Variants in FSTL5 observed in about 807,000 individuals in gnomAD.
FSTL5 encodes the protein follistatin like 5, also known as follistatin-related protein 5.
In FSTL5, 62 loss-of-function variants were observed where a neutral mutation model predicts 89.1. That is an observed-to-expected ratio of 0.70 (90% CI 0.57 to 0.86). FSTL5 has a LOEUF of 0.86. FSTL5 is among the 40% of genes least tolerant of loss of function. The pLI, the probability that FSTL5 is intolerant of heterozygous loss-of-function variation, is 0.00. For synonymous variants in FSTL5, 383 were observed against 346.2 expected (o/e 1.11, Z -1.18); for missense variants, 1,057 against 1,001.6 (o/e 1.06, Z -0.75).
At chr4:161,982,959 A>T (rs1458722779) in intron 3 of FSTL5, among the ~76,000 whole-genome samples, 1 of 152,186 alleles carries the variant, frequency 6.6e-6, no homozygotes, top group Admixed American at 6.5e-5. Flanking sequence ...CTTCTACAAT[A>T]TTATCATATT....
intron 13 of FSTL5, among the ~76,000 whole-genome samples, chr4:161,478,310 T>C (rs1459338124): frequency 6.6e-6 from 1 of 152,140 alleles, no homozygotes; most frequent in Admixed American, 6.5e-5. Flanking sequence ...GAATACTGAT[T>C]TCATAAAGGA....
At chr4:161,459,718 T>G (rs545931235) in intron 13 of FSTL5, among the ~76,000 whole-genome samples, 1 of 152,048 alleles carries the variant, frequency 6.6e-6, no homozygotes, top group East Asian at 1.9e-4. Flanking sequence ...TGAATACAGG[T>G]GAGAACTATG....
At chr4:161,494,555 G>A (rs1439198627) in intron 12 of FSTL5, among the ~76,000 whole-genome samples, 2 of 152,126 alleles carry the variant, frequency 1.3e-5, no homozygotes, top group African/African-American at 4.8e-5. Context: ...TTCTTGAAAC[G>A]TAAGTATTCT....
intron 2 of FSTL5, among the ~76,000 whole-genome samples, chr4:162,048,067 C>T (rs1252235360): frequency 6.6e-6 from 1 of 152,072 alleles, no homozygotes; most frequent in Non-Finnish European, 1.5e-5. Flanking sequence ...CGGGTCACGC[C>T]TGTAATCCCA....
chr4:161,994,676 C>A (rs917662034), intron 3 of FSTL5, among the ~76,000 whole-genome samples: 4 of 152,164 alleles, frequency 2.6e-5, no homozygotes, highest in African/African-American at 9.7e-5. Context: ...GCAAGTGTGT[C>A]TTCTTTTGAA....
chr4:161,402,583 T>C (rs959795847), intron 15 of FSTL5, among the ~76,000 whole-genome samples: 2 of 152,222 alleles, frequency 1.3e-5, no homozygotes, highest in African/African-American at 2.4e-5. Context: ...TCTAGTGTTC[T>C]TCCTTGTGTT....
Position 161,386,344 on chromosome 4 carries a change from A to C in FSTL5, c.1947T>G (p.Pro649=). 1.2e-6 allele frequency: 2 copies of C among 1,613,954 alleles called. No homozygotes were observed. Residue 649 remains proline, a synonymous_variant, in exon 16 of 16, where the codon CCT becomes CCG. Coordinates refer to ENST00000306100, the MANE Select transcript of FSTL5 (RefSeq NM_020116.5). ...CCAAGTGTGTATATGCCAATGACTG[A>C]GGAACGCACTTATAGTCCTTCAAGT... ...TINLKDYKCV[P]QSLAYTHLGG... is the part of the protein sequence containing the mutation.
intron 1 of FSTL5, among the ~76,000 whole-genome samples, chr4:162,132,060 T>C (rs560209239): frequency 2.6e-5 from 4 of 152,318 alleles, no homozygotes; most frequent in South Asian, 2.1e-4. Context: ...AGGTGAATAA[T>C]AGATTAACCT....
chr4:161,898,942 T>C (rs1158289498), intron 4 of FSTL5, among the ~76,000 whole-genome samples: 4 of 152,146 alleles, frequency 2.6e-5, no homozygotes, highest in Admixed American at 2.0e-4. Flanking sequence ...CATCTGGATG[T>C]ATTCTTTAGT....
intron 4 of FSTL5, among the ~76,000 whole-genome samples, chr4:161,822,210 G>C (rs763769851): frequency 8.5e-5 from 13 of 152,080 alleles, no homozygotes; most frequent in Non-Finnish European, 1.5e-4. Context: ...CATGTCACAG[G>C]ATCCTTAGGG....
In FSTL5 at chr4:161,675,801, T is replaced by A. The variant is rs559588209; in HGVS notation, c.728-19307A>T. 6.5e-4 allele frequency among the ~76,000 whole-genome samples: 99 copies of A among 152,132 alleles called. No individual in the cohort carries two copies. The South Asian group carries it at 0.019, about 30-fold the overall frequency. On this transcript the variant is annotated intron_variant, in intron 6 of 15. Transcript: ENST00000306100. ...CTAATGAGACGCTATCTGATAGAAA[T>A]TTTCTAAAAATTGTTAATGTATATC...
At chr4:161,525,593 A>T (rs189565491) in intron 10 of FSTL5, among the ~76,000 whole-genome samples, 210 of 152,264 alleles carry the variant, frequency 1.4e-3, no homozygotes, top group African/African-American at 3.5e-3. Context: ...AAATTTTTTT[A>T]AAAATATTCC....
At position 161,460,005 on chromosome 4, in the gene FSTL5, C is replaced by A. The variant is rs893914452; in HGVS notation, c.1609-686G>T. Among the ~76,000 whole-genome samples the A allele has an allele frequency of 2.0e-5, 3 of 151,356 alleles. No homozygotes were observed. In the South Asian group the frequency reaches 6.2e-4, roughly 31 times the overall value. ...TACTTAAAACAAAATTCTCAGAAAA[C>A]AAAGTGATGCCAGGAAGTTATTTCA... On this transcript the variant is annotated intron_variant, in intron 13 of 15. Transcript: ENST00000306100.
At chr4:162,109,895 T>C (rs1731369284) in intron 2 of FSTL5, among the ~76,000 whole-genome samples, 1 of 152,050 alleles carries the variant, frequency 6.6e-6, no homozygotes, top group Non-Finnish European at 1.5e-5. Context: ...TAACAATATA[T>C]ACCAAATTGC....
chr4:161,417,575 T>G (rs1186035721), intron 15 of FSTL5, among the ~76,000 whole-genome samples: 1 of 152,244 alleles, frequency 6.6e-6, no homozygotes, highest in African/African-American at 2.4e-5. Context: ...TTGAGGAATT[T>G]ACAGTTGATT....
At chr4:161,601,884 C>A (rs992718616) in intron 7 of FSTL5, among the ~76,000 whole-genome samples, 1 of 152,074 alleles carries the variant, frequency 6.6e-6, no homozygotes, top group African/African-American at 2.4e-5. Flanking sequence ...TTGGTCTCCA[C>A]TACCTTGCAC....
chr4:161,902,143 C>G (rs1733385045), intron 4 of FSTL5, among the ~76,000 whole-genome samples: 1 of 151,982 alleles, frequency 6.6e-6, no homozygotes, highest in Non-Finnish European at 1.5e-5. Context: ...TATAATGATA[C>G]TTTGCCTAGT....
At chr4:161,586,944 A>G (rs1436787436) in intron 8 of FSTL5, among the ~76,000 whole-genome samples, 3 of 152,242 alleles carry the variant, frequency 2.0e-5, no homozygotes, top group Non-Finnish European at 1.5e-5. Context: ...TATTAATGCT[A>G]GTAAATAACT....
intron 4 of FSTL5, among the ~76,000 whole-genome samples, chr4:161,912,689 G>A (rs1430668005): frequency 2.0e-5 from 3 of 152,138 alleles, no homozygotes; most frequent in Non-Finnish European, 4.4e-5. Flanking sequence ...GTAGTGCATG[G>A]CTGAAAAGAT....
Sources: gnomAD v4.1 joint callset for allele counts (sites outside exome capture counted in the v4.1 genomes callset) on GRCh38, gnomAD v4.1.1 for gene constraint, MANE v1.5 for transcripts, NCBI Gene and HGNC (gene_info 2026-07-23, HGNC 2026-07-21) for gene names.